EXOC4: variants seen among roughly 807,000 people sequenced by gnomAD.
The protein encoded by EXOC4 is SEC8-like 1.
In EXOC4, 71 loss-of-function variants were observed where a neutral mutation model predicts 107.2. The ratio of observed to expected loss-of-function variants is 0.66; its 90% CI spans 0.55 to 0.81. EXOC4 has a LOEUF of 0.81. EXOC4 is among the 30% of genes least tolerant of loss of function. The pLI, the probability that EXOC4 is intolerant of heterozygous loss-of-function variation, is 0.00. For missense variants in EXOC4, 1,108 were observed against 1,189.6 expected (o/e 0.93, Z 1.01); for synonymous variants, 456 against 441.2 (o/e 1.03, Z -0.42).
intron 5 of EXOC4, among the ~76,000 whole-genome samples, chr7:133,322,245 T>C (rs1403681100): frequency 6.6e-6 from 1 of 151,744 alleles, no homozygotes; most frequent in African/African-American, 2.4e-5. Context: ...TTGTCAATTT[T>C]GGCTTTTGTT....
intron 14 of EXOC4, 109 bp from the exon 15 acceptor site, chr7:133,997,383 A>C (rs1471726352): frequency 8.7e-7 from 1 of 1,155,698 alleles, no homozygotes; most frequent in Admixed American, 2.1e-5. Context: ...TGCCAACACT[A>C]GTGTTAACCA....
chr7:133,355,284 G>C (rs902862215), intron 5 of EXOC4, among the ~76,000 whole-genome samples: 11 of 151,380 alleles, frequency 7.3e-5, no homozygotes, highest in African/African-American at 2.7e-4. Context: ...GGAGGACAGA[G>C]GTGGATGGGG....
At position 134,049,023 on chromosome 7, in the gene EXOC4, T is replaced by C. The variant is rs1180149845; in HGVS notation, c.2688-15268T>C. On this transcript the variant is annotated intron_variant, in intron 17 of 17. Coordinates refer to ENST00000253861, the MANE Select transcript of EXOC4 (RefSeq NM_021807.4). ...TCTGTTTCCAGATTCCTCCCTGTCATTGGTTCCAGATTCCAGGGTGTATGT... is the reference window on the plus strand; with the variant it reads ...TCTGTTTCCAGATTCCTCCCTGTCACTGGTTCCAGATTCCAGGGTGTATGT... 2.0e-5 allele frequency among the ~76,000 whole-genome samples: 3 copies of C among 152,206 alleles called. No individual in the cohort carries two copies. The East Asian group carries it at 5.8e-4, about 29-fold the overall frequency.
chr7:133,265,456 C>T (rs533411537), intron 1 of EXOC4, among the ~76,000 whole-genome samples: 4 of 151,616 alleles, frequency 2.6e-5, no homozygotes, highest in South Asian at 2.1e-4. Flanking sequence ...GAAGGTAGCA[C>T]GGATTGGGTG....
downstream of EXOC4, among the ~76,000 whole-genome samples, chr7:134,069,934 G>T (rs1004949618): frequency 6.6e-6 from 1 of 152,206 alleles, no homozygotes; most frequent in Admixed American, 6.5e-5. Flanking sequence ...GAGACCAGGG[G>T]CCAGCTCCAA....
At chr7:133,786,037 C>T (rs1423987978) in intron 10 of EXOC4, among the ~76,000 whole-genome samples, 1 of 152,182 alleles carries the variant, frequency 6.6e-6, no homozygotes. Flanking sequence ...TTACTTCATA[C>T]TTCAACTTCT....
intron 10 of EXOC4, among the ~76,000 whole-genome samples, chr7:133,648,232 G>C (rs1343768278): frequency 6.6e-6 from 1 of 152,138 alleles, no homozygotes; most frequent in Non-Finnish European, 1.5e-5. Flanking sequence ...AATATTTTTA[G>C]AAGTGAACAT....
intron 10 of EXOC4, among the ~76,000 whole-genome samples, chr7:133,672,651 A>G (rs1235316536): frequency 6.6e-6 from 1 of 152,122 alleles, no homozygotes; most frequent in African/African-American, 2.4e-5. Context: ...AGGTTAGGAA[A>G]ATGGAAAGCT....
In EXOC4 at chr7:133,414,352, C is replaced by G. The variant is rs1797426898; in HGVS notation, c.1182+39350C>G. Among the ~76,000 whole-genome samples, 3 of 152,160 alleles carry G rather than the reference C, an allele frequency of 2.0e-5. No homozygotes were observed. The South Asian group carries it at 6.2e-4, about 32-fold the overall frequency. On this transcript the variant is annotated intron_variant, in intron 7 of 17. Transcript: ENST00000253861. Reference sequence around the variant, plus strand: ...GCAAGGATGAGAAGAAACAGGAACTCTTGTATATTACTGATGAGAATAAAT... The same window carrying G: ...GCAAGGATGAGAAGAAACAGGAACTGTTGTATATTACTGATGAGAATAAAT...
chr7:133,523,711 C>T lies in EXOC4; in HGVS notation c.1417+43573C>T, dbSNP rs541104968. On this transcript the variant is annotated intron_variant, in intron 9 of 17. Transcript: ENST00000253861. ...TGTGGTATTTGGTTTTTTGTTCTTGCGATAGTTTACTGAGAATGATGATTT... is the reference window on the plus strand; with the variant it reads ...TGTGGTATTTGGTTTTTTGTTCTTGTGATAGTTTACTGAGAATGATGATTT... 1.7e-3 allele frequency among the ~76,000 whole-genome samples: 253 copies of T among 151,636 alleles called. 1 individual carries two copies. Among genetic ancestry groups the T allele is most frequent in the Non-Finnish European group, 2.8e-3 (192 of 67,970 alleles).
intron 15 of EXOC4, among the ~76,000 whole-genome samples, chr7:134,004,210 C>T (rs2116324118): frequency 6.6e-6 from 1 of 152,226 alleles, no homozygotes; most frequent in South Asian, 2.1e-4. Context: ...AGGTTCCATA[C>T]ATGATTTAGT....
chr7:133,436,887 G>A (rs934045013), intron 7 of EXOC4, among the ~76,000 whole-genome samples: 2 of 151,928 alleles, frequency 1.3e-5, no homozygotes, highest in African/African-American at 4.8e-5. Context: ...TGAGCTTAGT[G>A]TCAATTTCCT....
rs1002586272 is a variant in EXOC4, at chr7:133,451,281, G to A, written c.1183-24047G>A. Among the ~76,000 whole-genome samples the A allele has an allele frequency of 5.3e-5, 8 of 151,648 alleles. No individual in the cohort carries two copies. In the South Asian group the frequency reaches 8.3e-4, roughly 16 times the overall value. ...TTTGAGTGGGTACGTGGGAGAGATC[G>A]TGTTGGGTATTACCAGACAAATATC... On this transcript the variant is annotated intron_variant, in intron 7 of 17. Transcript: ENST00000253861.
intron 7 of EXOC4, among the ~76,000 whole-genome samples, chr7:133,474,201 A>G (rs1042404992): frequency 6.6e-6 from 1 of 151,948 alleles, no homozygotes; most frequent in African/African-American, 2.4e-5. Flanking sequence ...GCATGTTTTA[A>G]TTTGCTGCCT....
chr7:133,642,440 C>T lies in EXOC4; in HGVS notation c.1514+12299C>T, dbSNP rs1782984343. 2.0e-5 allele frequency among the ~76,000 whole-genome samples: 3 copies of T among 152,298 alleles called. No homozygotes were observed. In the South Asian group the frequency reaches 6.2e-4, roughly 32 times the overall value. ...ATCTTCATCCTATTTCCCTCCATCC[C>T]CTTTGGGATCCAGATCAAAAAATCT... On this transcript the variant is annotated intron_variant, in intron 10 of 17. Transcript: ENST00000253861.
intron 12 of EXOC4, among the ~76,000 whole-genome samples, chr7:133,900,109 A>G (rs1450527446): frequency 1.3e-5 from 2 of 152,128 alleles, no homozygotes; most frequent in Non-Finnish European, 1.5e-5. Flanking sequence ...GTGTCCTATC[A>G]TTGCATTTGT....
chr7:133,581,576 G>GA (rs1801272372), intron 9 of EXOC4, among the ~76,000 whole-genome samples: 1 of 151,476 alleles, frequency 6.6e-6, no homozygotes. Context: ...GGCTAACACG[G>GA]TGAAACCCCG....
In EXOC4 at chr7:133,949,397, T is replaced by G. The variant is rs148123158; in HGVS notation, c.2206+11328T>G. ...TTTGACTAGAGTTCTTAACCAACATTTTAATCCAATTTTTATGAAAGGAAG... is the reference window on the plus strand; with the variant it reads ...TTTGACTAGAGTTCTTAACCAACATGTTAATCCAATTTTTATGAAAGGAAG... On this transcript the variant is annotated intron_variant, in intron 14 of 17. Coordinates refer to ENST00000253861, the MANE Select transcript of EXOC4 (RefSeq NM_021807.4). 5.8e-3 allele frequency among the ~76,000 whole-genome samples: 885 copies of G among 152,270 alleles called. 5 individuals carry two copies. Among genetic ancestry groups the G allele is most frequent in the Middle Eastern group, 0.02 (6 of 294 alleles).
chr7:134,099,284 C>A, the EXOC4 span, among the ~76,000 whole-genome samples: 2 of 152,070 alleles, frequency 1.3e-5, no homozygotes, highest in Non-Finnish European at 2.9e-5. Flanking sequence ...GCAGGAAGGT[C>A]ATTTTCACCA....
Sources: gnomAD v4.1 joint callset for allele counts (sites outside exome capture counted in the v4.1 genomes callset) on GRCh38, gnomAD v4.1.1 for gene constraint, MANE v1.5 for transcripts, NCBI Gene and HGNC (gene_info 2026-07-23, HGNC 2026-07-21) for gene names.